Variants in PLCL2 observed in about 807,000 individuals in gnomAD.
The protein encoded by PLCL2 is inactive phospholipase C-like protein 2.
PLCL2 carries 4 observed loss-of-function variants against 79.6 expected under a neutral mutation model. The ratio of observed to expected loss-of-function variants is 0.05; its 90% CI spans 0.02 to 0.11. PLCL2 has a LOEUF of 0.11. PLCL2 is among the 10% of genes least tolerant of loss of function. PLCL2 has a pLI of 1.00. For synonymous variants in PLCL2, 484 were observed against 457.7 expected, an observed-to-expected ratio of 1.06 and a Z score of -0.73; for missense variants, 895 against 1,291.0, an observed-to-expected ratio of 0.69 and a Z score of 4.70.
intron 1 of PLCL2, among the ~76,000 whole-genome samples, chr3:16,941,708 T>C (rs575042208): frequency 6.6e-6 from 1 of 152,336 alleles, no homozygotes; most frequent in East Asian, 1.9e-4. Context: ...CCCTCCTCTG[T>C]TCTTCCATAG....
At chr3:16,903,567 G>C (rs1379193561) in intron 1 of PLCL2, among the ~76,000 whole-genome samples, 1 of 152,178 alleles carries the variant, frequency 6.6e-6, no homozygotes, top group African/African-American at 2.4e-5. Context: ...AAAAGCCCCT[G>C]TGCTGGTTTT....
chr3:16,953,202 A>C (rs1045963270), intron 1 of PLCL2, among the ~76,000 whole-genome samples: 15 of 152,260 alleles, frequency 9.9e-5, no homozygotes, highest in Admixed American at 5.9e-4. Context: ...CCATTTGTGT[A>C]AAAATGGGGT....
intron 1 of PLCL2, among the ~76,000 whole-genome samples, chr3:16,958,164 T>C (rs1575552953): frequency 6.6e-6 from 1 of 152,230 alleles, no homozygotes; most frequent in South Asian, 2.1e-4. Flanking sequence ...CAGAGGCTGG[T>C]ACTGATAGTT....
rs2064301491 is a variant in PLCL2, at chr3:17,009,846, C to T, written c.500C>T (p.Ala167Val). The T allele has an allele frequency of 2.5e-6, 4 of 1,613,706 alleles. No homozygotes were observed. The highest frequency in any genetic ancestry group is 2.5e-6 in the Non-Finnish European group (3 of 1,179,654). The change falls in exon 2 of 6, where the codon GCT becomes GTT. Residue 167 changes from alanine to valine, a missense_variant. Ala to Val is a moderately conservative substitution (Grantham distance 64). This residue lies in a region of PLCL2 where 129 missense variants were observed against 208.8 expected (regional missense o/e 0.62). Transcript: ENST00000615277. This position sits in a 1 kb window ranked among gnomAD's most constrained non-coding sequence, Gnocchi z 4.0. ...TATCATAGGTACTTTTTACTGGATG[C>T]TGACATGCAGAGCCTAAGGTGGGAG... ...RIYHRYFLLD[A>V]DMQSLRWEPS...
intron 1 of PLCL2, among the ~76,000 whole-genome samples, chr3:16,908,339 C>T (rs1303950231): frequency 6.6e-6 from 1 of 152,176 alleles, no homozygotes; most frequent in East Asian, 1.9e-4. Context: ...AATAATTCCT[C>T]AATATCATCA....
chr3:16,971,123 A>T lies in PLCL2; in HGVS notation c.328-38551A>T, dbSNP rs1432557095. ...TGCCATTGCTTTTGGTGTTTTAGACATGAAGTCCTTGCCCATGCCTATGTC... is the reference window on the plus strand; with the variant it reads ...TGCCATTGCTTTTGGTGTTTTAGACTTGAAGTCCTTGCCCATGCCTATGTC... On this transcript the variant is annotated intron_variant, in intron 1 of 5. Transcript: ENST00000615277. Among the ~76,000 whole-genome samples the T allele has an allele frequency of 2.6e-5, 4 of 151,610 alleles. 1 individual carries two copies. In the South Asian group the frequency reaches 6.3e-4, roughly 24 times the overall value.
chr3:17,067,112 A>T (rs1471692103), intron 4 of PLCL2, among the ~76,000 whole-genome samples: 1 of 152,210 alleles, frequency 6.6e-6, no homozygotes, highest in Admixed American at 6.5e-5. Flanking sequence ...TGTGAGTAGC[A>T]TAACCACAGA....
At chr3:16,991,603 G>T (rs1482754745) in intron 1 of PLCL2, among the ~76,000 whole-genome samples, 1 of 152,046 alleles carries the variant, frequency 6.6e-6, no homozygotes, top group African/African-American at 2.4e-5. Flanking sequence ...TGGAAGTATG[G>T]GGTAGTGGGT....
intron 1 of PLCL2, among the ~76,000 whole-genome samples, chr3:16,922,661 G>A (rs1352257554): frequency 1.3e-5 from 2 of 152,026 alleles, no homozygotes; most frequent in East Asian, 1.9e-4. Context: ...TTGGGAATGA[G>A]CAAATGAAAC....
intron 1 of PLCL2, among the ~76,000 whole-genome samples, chr3:16,958,799 G>C (rs559205695): frequency 1.3e-5 from 2 of 152,280 alleles, no homozygotes; most frequent in Non-Finnish European, 2.9e-5. Context: ...ATGCACATCT[G>C]TGTCAGGAGC....
chr3:16,948,940 A>G (rs2063625492), intron 1 of PLCL2, among the ~76,000 whole-genome samples: 1 of 152,258 alleles, frequency 6.6e-6, no homozygotes, highest in South Asian at 2.1e-4. Flanking sequence ...GTCAACTATA[A>G]TATATCATAG....
chr3:17,023,419 C>G (rs1166055955), intron 3 of PLCL2, among the ~76,000 whole-genome samples: 9 of 152,192 alleles, frequency 5.9e-5, no homozygotes, highest in African/African-American at 1.9e-4. Context: ...TGGGAGGGAC[C>G]CAGGGGGAGG....
chr3:17,058,625 A>G (rs1451020176), intron 4 of PLCL2, among the ~76,000 whole-genome samples: 1 of 152,054 alleles, frequency 6.6e-6, no homozygotes, highest in Non-Finnish European at 1.5e-5. Flanking sequence ...TCAATACTGG[A>G]ATTATTAAAT....
chr3:16,901,185 G>T (rs1276679908), intron 1 of PLCL2, among the ~76,000 whole-genome samples: 1 of 152,196 alleles, frequency 6.6e-6, no homozygotes, highest in Admixed American at 6.5e-5. Context: ...AGACCTGTTT[G>T]TTCCAATAAA....
intron 5 of PLCL2, among the ~76,000 whole-genome samples, chr3:17,074,132 A>T (rs1428811195): frequency 1.3e-5 from 2 of 152,216 alleles, no homozygotes; most frequent in Non-Finnish European, 2.9e-5. Context: ...AGCCTTATGA[A>T]ATGTATTTCT....
chr3:16,979,015 T>G (rs1385956279), intron 1 of PLCL2, among the ~76,000 whole-genome samples: 1 of 152,228 alleles, frequency 6.6e-6, no homozygotes, highest in Non-Finnish European at 1.5e-5. Context: ...ATTTACTCAT[T>G]CACAGCACCA....
chr3:16,994,802 CT>C (rs2064137277), intron 1 of PLCL2, among the ~76,000 whole-genome samples: 1 of 152,278 alleles, frequency 6.6e-6, no homozygotes, highest in East Asian at 1.9e-4. Flanking sequence ...AAAGGAACCA[CT>C]ACCTGCTCTC....
intron 3 of PLCL2, among the ~76,000 whole-genome samples, chr3:17,027,407 A>G (rs11927632): frequency 0.033 from 5,070 of 152,324 alleles, 275 homozygotes; most frequent in African/African-American, 0.11. Context: ...ATTAAATACT[A>G]TCAATGACTG....
chr3:17,057,544 C>G (rs1559534602), intron 4 of PLCL2, among the ~76,000 whole-genome samples: 1 of 152,128 alleles, frequency 6.6e-6, no homozygotes, highest in Non-Finnish European at 1.5e-5. Flanking sequence ...CAGTAGGATG[C>G]TCAAATGGAA....
Sources: gnomAD v4.1 joint callset for allele counts (sites outside exome capture counted in the v4.1 genomes callset) on GRCh38, gnomAD v4.1.1 for gene constraint, gnomAD v4.1.1 regional missense constraint, Gnocchi (gnomAD v3.1) non-coding constraint, MANE v1.5 for transcripts, NCBI Gene and HGNC (gene_info 2026-07-23, HGNC 2026-07-21) for gene names.